The following AGBL1 variants were observed in gnomAD, a reference collection of about 807,000 sequenced individuals.
The protein encoded by AGBL1 is cytosolic carboxypeptidase 4.
In AGBL1, 130 loss-of-function variants were observed where a neutral mutation model predicts 118.9. That is an observed-to-expected ratio of 1.09 (90% CI 0.95 to 1.26). The LOEUF (loss-of-function observed/expected upper bound fraction) is 1.26. Among genes scored for constraint, AGBL1 ranks in the 50% most tolerant of loss-of-function variants. AGBL1 has a pLI of 0.00. For missense variants in AGBL1, 1,584 were observed against 1,298.1 expected, an observed-to-expected ratio of 1.22 and a Z score of -3.38; for synonymous variants, 555 against 478.9, an observed-to-expected ratio of 1.16 and a Z score of -2.08.
At chr15:86,212,769 C>T (rs1357741249) in intron 5 of AGBL1, among the ~76,000 whole-genome samples, 1 of 152,174 alleles carries the variant, frequency 6.6e-6, no homozygotes, top group African/African-American at 2.4e-5. Context: ...TCTGCCTCAG[C>T]CTCCCAAGTA....
intron 12 of AGBL1, among the ~76,000 whole-genome samples, 176 bp downstream of exon 12, chr15:86,266,633 T>G (rs2079076933): frequency 6.6e-6 from 1 of 152,254 alleles, no homozygotes; most frequent in Non-Finnish European, 1.5e-5. Flanking sequence ...CCAGGCGCAG[T>G]GGCTCACGCC....
At chr15:86,273,978 T>C (rs577246511) in intron 15 of AGBL1, among the ~76,000 whole-genome samples, 2 of 152,286 alleles carry the variant, frequency 1.3e-5, no homozygotes, top group East Asian at 1.9e-4. Flanking sequence ...CATCAAATAG[T>C]CTCCAAACTA....
rs538738720 is a variant in AGBL1 at position 86,081,472 on chromosome 15, T to C, written c.51+1449T>C. On this transcript the variant is annotated intron_variant, in intron 1 of 22. Coordinates refer to ENST00000614907, the MANE Select transcript of AGBL1 (RefSeq NM_001386094.1). Reference sequence around the variant, plus strand: ...GGCTCCTTGATGTCAAATGGCTACATAGTAGGAGAACTGGGCCTTCAATAT... The same window carrying C: ...GGCTCCTTGATGTCAAATGGCTACACAGTAGGAGAACTGGGCCTTCAATAT... Among the ~76,000 whole-genome samples, 24 of 152,352 alleles carry C rather than the reference T, an allele frequency of 1.6e-4. No homozygotes were observed. The South Asian group carries it at 4.8e-3, about 30-fold the overall frequency.
intron 5 of AGBL1, among the ~76,000 whole-genome samples, chr15:86,198,360 T>A (rs1403283338): frequency 6.6e-6 from 1 of 152,182 alleles, no homozygotes; most frequent in African/African-American, 2.4e-5. Flanking sequence ...ACTTAGACAA[T>A]AATTAGATGA....
At chr15:86,930,666 C>T (rs1023346711) in intron 23 of AGBL1, among the ~76,000 whole-genome samples, 27 of 151,820 alleles carry the variant, frequency 1.8e-4, no homozygotes, top group Non-Finnish European at 7.4e-5. Context: ...ATTTAAGGGT[C>T]CATGAAAAAA....
intron 21 of AGBL1, among the ~76,000 whole-genome samples, chr15:86,565,064 C>T (rs982170338): frequency 5.3e-5 from 8 of 152,200 alleles, no homozygotes; most frequent in South Asian, 2.1e-4. Context: ...AGCTTCTTTG[C>T]GATGGGTTTG....
chr15:86,125,783 T>G (rs537167743), intron 1 of AGBL1, among the ~76,000 whole-genome samples: 1 of 152,350 alleles, frequency 6.6e-6, no homozygotes, highest in South Asian at 2.1e-4. Context: ...ATCATGACAT[T>G]TACTTGATAA....
chr15:86,200,628 T>C (rs532681391), intron 5 of AGBL1, among the ~76,000 whole-genome samples: 6 of 151,006 alleles, frequency 4.0e-5, no homozygotes, highest in South Asian at 2.1e-4. Context: ...TTTTCTTTTT[T>C]TTTTTGAGAT....
At chr15:86,162,387 A>T (rs1208866341) in intron 5 of AGBL1, among the ~76,000 whole-genome samples, 2 of 152,202 alleles carry the variant, frequency 1.3e-5, no homozygotes, top group Non-Finnish European at 2.9e-5. Context: ...ACCTAAAATT[A>T]GATGTGCAGC....
intron 17 of AGBL1, among the ~76,000 whole-genome samples, chr15:86,332,541 G>A (rs2080288192): frequency 6.6e-6 from 1 of 151,802 alleles, no homozygotes; most frequent in African/African-American, 2.4e-5. Flanking sequence ...AGCTACTCAG[G>A]AGACTGAGGC....
chr15:86,966,051 A>G (rs72755681), intron 23 of AGBL1, among the ~76,000 whole-genome samples: 5,940 of 152,072 alleles, frequency 0.039, 158 homozygotes, highest in Middle Eastern at 0.071. Context: ...TATCTTAGGT[A>G]AATTGTTTTT....
chr15:86,471,552 C>T (rs929753996), intron 18 of AGBL1, among the ~76,000 whole-genome samples: 5 of 150,252 alleles, frequency 3.3e-5, no homozygotes, highest in African/African-American at 4.9e-5. Context: ...CAGATCAACA[C>T]TGGCCTCGTA....
chr15:86,729,574 C>T (rs769466302), intron 22 of AGBL1, among the ~76,000 whole-genome samples: 6 of 152,166 alleles, frequency 3.9e-5, no homozygotes, highest in Non-Finnish European at 8.8e-5. Flanking sequence ...TAATGGCCTC[C>T]AGCTGTATCC....
At chr15:86,670,104 T>C (rs2085714899) in intron 21 of AGBL1, among the ~76,000 whole-genome samples, 1 of 152,174 alleles carries the variant, frequency 6.6e-6, no homozygotes, top group Non-Finnish European at 1.5e-5. Context: ...TGGATTATTA[T>C]ATATAATACT....
chr15:86,415,439 C>T (rs973817790), intron 18 of AGBL1, among the ~76,000 whole-genome samples: 1 of 152,120 alleles, frequency 6.6e-6, no homozygotes, highest in Non-Finnish European at 1.5e-5. Flanking sequence ...TTTAATAAGG[C>T]CATTATGAGT....
chr15:86,678,866 G>A (rs117655850), intron 22 of AGBL1, among the ~76,000 whole-genome samples: 3,275 of 151,824 alleles, frequency 0.022, 61 homozygotes, highest in Non-Finnish European at 0.037. Flanking sequence ...CTTTTATCAC[G>A]GATTAGTAAT....
chr15:86,882,809 G>A (rs755393755), intron 22 of AGBL1, among the ~76,000 whole-genome samples: 3 of 152,032 alleles, frequency 2.0e-5, no homozygotes, highest in Non-Finnish European at 4.4e-5. Flanking sequence ...GGAGAGAGAG[G>A]TCTTTATTAA....
chr15:86,386,457 T>C (rs1030770921), intron 17 of AGBL1, among the ~76,000 whole-genome samples: 26 of 150,460 alleles, frequency 1.7e-4, no homozygotes, highest in African/African-American at 6.4e-4. Flanking sequence ...GGGTTGGCTT[T>C]GACTGTGGTA....
chr15:86,575,656 C>T (rs1481364028), intron 21 of AGBL1, among the ~76,000 whole-genome samples: 2 of 152,014 alleles, frequency 1.3e-5, no homozygotes, highest in Non-Finnish European at 2.9e-5. Flanking sequence ...TAGTACAAAT[C>T]ATGGCTCACT....
Sources: gnomAD v4.1 joint callset for allele counts (sites outside exome capture counted in the v4.1 genomes callset) on GRCh38, gnomAD v4.1.1 for gene constraint, MANE v1.5 for transcripts, NCBI Gene and HGNC (gene_info 2026-07-23, HGNC 2026-07-21) for gene names.